Variants in SHANK2 observed in about 807,000 individuals in gnomAD.
SHANK2 encodes the protein SH3 and multiple ankyrin repeat domains 2.
A neutral mutation model predicts 133.7 loss-of-function variants in SHANK2; 43 were observed. That is an observed-to-expected ratio of 0.32 (90% confidence interval 0.25 to 0.41). SHANK2 has a LOEUF of 0.41. Among genes scored for constraint, SHANK2 ranks in the 10% least tolerant of loss-of-function variants. The probability of loss-of-function intolerance (pLI) is 1.00; values close to 1 mark genes in which losing one functional copy is unlikely to be tolerated. For synonymous variants in SHANK2, 1,017 were observed against 952.8 expected (o/e 1.07, Z -1.24); for missense variants, 1,994 against 2,235.8 (o/e 0.89, Z 2.18).
intron 25 of SHANK2, among the ~76,000 whole-genome samples, chr11:70,484,527 A>AT (rs1236513741): frequency 7.9e-5 from 12 of 152,056 alleles, no homozygotes; most frequent in South Asian, 2.1e-4. Context: ...ATTAAACCTC[A>AT]TTTTTTTATA....
intron 14 of SHANK2, among the ~76,000 whole-genome samples, chr11:70,760,454 G>C (rs1300418551): frequency 6.6e-6 from 1 of 152,198 alleles, no homozygotes; most frequent in African/African-American, 2.4e-5. Flanking sequence ...AAGGTCACCT[G>C]CCATTGGATT....
intron 11 of SHANK2, among the ~76,000 whole-genome samples, chr11:70,843,715 G>A (rs781799930): frequency 2.0e-4 from 31 of 152,084 alleles, no homozygotes; most frequent in Non-Finnish European, 4.0e-4. Flanking sequence ...ATAGAGGCCT[G>A]CTGTTGAATG....
intron 6 of SHANK2, among the ~76,000 whole-genome samples, chr11:71,104,623 G>A (rs574245229): frequency 4.8e-4 from 73 of 152,252 alleles, no homozygotes; most frequent in African/African-American, 1.6e-3. Context: ...GGAATTACCC[G>A]CAGCTTCCTT....
rs797032698 is a variant in SHANK2 at position 71,172,605 on chromosome 11, A to G, written c.-12-25267T>C. 6.7e-4 allele frequency among the ~76,000 whole-genome samples: 102 copies of G among 151,434 alleles called. 1 individual carries two copies. The highest frequency in any genetic ancestry group is 2.3e-3 in the South Asian group (11 of 4,772). On this transcript the variant is annotated intron_variant, in intron 2 of 25. Transcript: ENST00000601538. ...AGAGTGAGACTCTGTCTCAAAAAAA[A>G]AAAAAAAGAAAAAAAGAAAAAAGAA...
intron 2 of SHANK2, among the ~76,000 whole-genome samples, chr11:71,194,042 G>A (rs1231133447): frequency 6.6e-6 from 1 of 152,194 alleles, no homozygotes; most frequent in African/African-American, 2.4e-5. Context: ...CTGGCGGGAA[G>A]GGCTGAGTCA....
At chr11:70,935,439 T>A (rs1950558749) in intron 10 of SHANK2, among the ~76,000 whole-genome samples, 1 of 152,138 alleles carries the variant, frequency 6.6e-6, no homozygotes, top group South Asian at 2.1e-4. Flanking sequence ...ATTACGTGGT[T>A]AGCCAGGAGT....
At chr11:71,141,090 G>A (rs1231783057) in intron 3 of SHANK2, among the ~76,000 whole-genome samples, 2 of 152,248 alleles carry the variant, frequency 1.3e-5, no homozygotes, top group African/African-American at 4.8e-5. Flanking sequence ...GGAGGGAGCA[G>A]TGGGGCTCCC....
intron 15 of SHANK2, chr11:70,661,903 G>T: frequency 8.1e-7 from 1 of 1,240,296 alleles, no homozygotes; most frequent in East Asian, 2.4e-5. Context: ...TTGCAGGGTG[G>T]GGGCAGGCAG....
chr11:71,220,567 G>C (rs1954515331), intron 2 of SHANK2, among the ~76,000 whole-genome samples: 2 of 152,170 alleles, frequency 1.3e-5, no homozygotes, highest in African/African-American at 2.4e-5. Flanking sequence ...ACAAGGTGTG[G>C]TCCATTCACA....
At chr11:70,489,217 G>C in intron 24 of SHANK2, 111 bp downstream of exon 24, 2 of 1,071,214 alleles carry the variant, frequency 1.9e-6, no homozygotes, top group Non-Finnish European at 2.9e-6. Flanking sequence ...GTCACTCTGA[G>C]TTGGCTGTCT....
intron 17 of SHANK2, among the ~76,000 whole-genome samples, chr11:70,658,882 G>A (rs1471904437): frequency 2.0e-5 from 3 of 152,196 alleles, no homozygotes; most frequent in Non-Finnish European, 4.4e-5. Flanking sequence ...ACCTGCATGT[G>A]GAGTTCTGAT....
intron 13 of SHANK2, among the ~76,000 whole-genome samples, chr11:70,806,528 A>G (rs1948164163): frequency 6.6e-6 from 1 of 152,198 alleles, no homozygotes; most frequent in East Asian, 1.9e-4. Flanking sequence ...AGGCTTCTCA[A>G]CGCTGGTTCT....
chr11:70,660,742 T>A (rs1555013027), intron 16 of SHANK2, among the ~76,000 whole-genome samples: 1 of 152,194 alleles, frequency 6.6e-6, no homozygotes. Context: ...CAGATGCATC[T>A]GCTCTTTCTC....
rs549543682 is a variant in SHANK2, at chr11:70,831,214, T to C, written c.1175-10532A>G. ...GTCCCAAAACTCAGGCAAGCACCTT[T>C]TGAGTCTGTTTGTTGCCTGCCCGCA... On this transcript the variant is annotated intron_variant, in intron 11 of 25. Transcript: ENST00000601538. Among the ~76,000 whole-genome samples the C allele has an allele frequency of 1.6e-4, 24 of 152,126 alleles. No homozygotes were observed. The South Asian group carries it at 4.6e-3, about 29-fold the overall frequency.
intron 1 of SHANK2, among the ~76,000 whole-genome samples, chr11:71,234,564 C>T (rs1012375573): frequency 2.5e-4 from 38 of 152,074 alleles, no homozygotes; most frequent in African/African-American, 8.4e-4. Context: ...GACTCCGAGT[C>T]GGGGGGCCTG....
chr11:70,491,934 G>T (rs536220206), intron 22 of SHANK2, among the ~76,000 whole-genome samples: 1 of 152,328 alleles, frequency 6.6e-6, no homozygotes, highest in East Asian at 1.9e-4. Context: ...GAGTGTGGGG[G>T]ACTGCCACAT....
chr11:70,504,827 C>T (rs923082249), intron 17 of SHANK2, among the ~76,000 whole-genome samples: 1 of 152,070 alleles, frequency 6.6e-6, no homozygotes, highest in East Asian at 1.9e-4. Flanking sequence ...CTTGCAGGAC[C>T]CTCGCTGCTC....
intron 17 of SHANK2, among the ~76,000 whole-genome samples, chr11:70,537,232 C>A (rs1419574595): frequency 3.3e-5 from 5 of 152,198 alleles, no homozygotes; most frequent in Non-Finnish European, 5.9e-5. Context: ...AAACCTCCCC[C>A]CAGGATGCTC....
chr11:71,094,703 C>T lies in SHANK2; in HGVS notation c.593-15G>A. ...CAGGGGGGTCTCTGAGGAACCCAAA[C>T]ACACACACTTTAGAACCAACATTTG... On this transcript the variant is annotated splice_polypyrimidine_tract_variant and intron_variant, in intron 6 of 25. Coordinates refer to ENST00000601538, the MANE Select transcript of SHANK2 (RefSeq NM_012309.5). 1 of 1,550,684 alleles carries T rather than the reference C, an allele frequency of 6.4e-7. No individual in the cohort carries two copies. The highest frequency in any genetic ancestry group is 1.4e-5 in the African/African-American group (1 of 73,146).
Sources: allele counts gnomAD v4.1 joint callset (sites outside exome capture counted in the v4.1 genomes callset), GRCh38; gene constraint gnomAD v4.1.1; transcripts MANE v1.5; gene names NCBI Gene and HGNC (gene_info 2026-07-23, HGNC 2026-07-21).